The following SLAIN2 variants were observed in gnomAD, a reference collection of about 807,000 sequenced individuals.
SLAIN2 encodes SLAIN motif-containing protein 2.
SLAIN2 carries 31 observed loss-of-function variants against 56.6 expected under a neutral mutation model. That is an observed-to-expected ratio of 0.55 (90% CI 0.41 to 0.74). The LOEUF (loss-of-function observed/expected upper bound fraction) is 0.74, where lower values mean the gene tolerates loss of function less well. Ranked by LOEUF, SLAIN2 falls within the 30% of genes least tolerant of loss-of-function variation. The pLI, the probability that SLAIN2 is intolerant of heterozygous loss-of-function variation, is 0.00. For missense variants in SLAIN2, 777 were observed against 754.2 expected, an observed-to-expected ratio of 1.03 and a Z score of -0.35; for synonymous variants, 317 against 284.9, an observed-to-expected ratio of 1.11 and a Z score of -1.13.
chr4:48,341,864 G>A lies in SLAIN2; in HGVS notation c.125G>A (p.Gly42Asp), dbSNP rs544036217. The change falls in exon 1 of 8, where the codon GGC becomes GAC. Residue 42 changes from glycine (G) to aspartate (D), a missense_variant. Coordinates refer to ENST00000264313, the MANE Select transcript of SLAIN2 (RefSeq NM_020846.2). ...RSRSGAVQGAGSLGPGSPVRA... is the reference protein window; with the variant it reads ...RSRSGAVQGADSLGPGSPVRA... ...CGCTCGGGGGCCGTGCAGGGCGCCG[G>A]CTCCCTTGGGCCCGGCAGCCCGGTT... 4 of 1,518,746 alleles carry A rather than the reference G, an allele frequency of 2.6e-6. No homozygotes were observed. The highest frequency in any genetic ancestry group is 2.5e-5 in the South Asian group (2 of 81,288). 94.1% of individuals were successfully genotyped at this position (1,518,746 alleles called of 1,614,324 possible). A position where few individuals can be genotyped will look rare whatever the true frequency, so the allele number is the denominator to read the frequency against.
rs143271730 is a variant in SLAIN2, at chr4:48,384,874, C to T, written c.1360+1090C>T. ...ATGATGAGGAGTGGAGGGAATAGTC[C>T]TGGAACAGACCACTGAAAACCCAAG... is the stretch of plus-strand genomic sequence containing the variant. On this transcript the variant is annotated intron_variant, in intron 6 of 7. Coordinates refer to ENST00000264313, the MANE Select transcript of SLAIN2 (RefSeq NM_020846.2). Among the ~76,000 whole-genome samples, 191 of 152,178 alleles carry T rather than the reference C, an allele frequency of 1.3e-3. 3 individuals are homozygous for T. The South Asian group carries it at 0.033, about 26-fold the overall frequency.
At chr4:48,412,836 C>G (rs1477319858) in intron 6 of SLAIN2, among the ~76,000 whole-genome samples, 1 of 152,090 alleles carries the variant, frequency 6.6e-6, no homozygotes, top group Non-Finnish European at 1.5e-5. Flanking sequence ...CAGCAATTGC[C>G]ATTTTTATAT....
At chr4:48,370,402 C>G (rs1715633154) in intron 2 of SLAIN2, among the ~76,000 whole-genome samples, 1 of 152,182 alleles carries the variant, frequency 6.6e-6, no homozygotes, top group African/African-American at 2.4e-5. Flanking sequence ...CTCACTCTAG[C>G]CCTTAATTGC....
At chr4:48,357,460 C>T (rs748447413) in intron 1 of SLAIN2, among the ~76,000 whole-genome samples, 45 of 152,214 alleles carry the variant, frequency 3.0e-4, no homozygotes, top group Admixed American at 6.5e-4. Flanking sequence ...TAGCTCACTG[C>T]AGCCTTGAAC....
intron 6 of SLAIN2, among the ~76,000 whole-genome samples, chr4:48,399,554 G>A (rs758822054): frequency 2.2e-4 from 33 of 152,166 alleles, no homozygotes; most frequent in Non-Finnish European, 4.0e-4. Flanking sequence ...AATAGGAGTG[G>A]TGGGAGAGAG....
chr4:48,365,831 G>A (rs1465996170), intron 1 of SLAIN2, among the ~76,000 whole-genome samples: 2 of 152,112 alleles, frequency 1.3e-5, no homozygotes, highest in Non-Finnish European at 2.9e-5. Flanking sequence ...CCAAAGTACT[G>A]GGATTACAGG....
rs187874048 is a variant in SLAIN2 at position 48,373,778 on chromosome 4, C to T, written c.538+3781C>T. ...AGATGTGGCCGGGCGCAGTGGCTTACACCTGTAATCCCAGCACTTTGGGAG... is the reference window on the plus strand; with the variant it reads ...AGATGTGGCCGGGCGCAGTGGCTTATACCTGTAATCCCAGCACTTTGGGAG... On this transcript the variant is annotated intron_variant, in intron 2 of 7. Transcript: ENST00000264313. Among the ~76,000 whole-genome samples, 115 of 151,786 alleles carry T rather than the reference C, an allele frequency of 7.6e-4. 1 individual carries two copies. In the East Asian group the frequency reaches 0.018, roughly 24 times the overall value.
intron 6 of SLAIN2, among the ~76,000 whole-genome samples, chr4:48,399,780 G>C (rs1716498486): frequency 6.6e-6 from 1 of 152,054 alleles, no homozygotes. Context: ...TTTGTCTTTA[G>C]TTCTGTTTAT....
chr4:48,413,483 T>C (rs763102826), intron 6 of SLAIN2, among the ~76,000 whole-genome samples: 1 of 152,204 alleles, frequency 6.6e-6, no homozygotes, highest in Non-Finnish European at 1.5e-5. Context: ...GAATCATATT[T>C]AATTCATCTT....
chr4:48,369,714 A>T (rs548346126), intron 1 of SLAIN2, 135 bp from the exon 2 acceptor site: 3 of 716,574 alleles, frequency 4.2e-6, no homozygotes, highest in African/African-American at 1.8e-5. Context: ...TGCAGTAAGT[A>T]AATGTGGGTG....
At chr4:48,393,166 A>T (rs1716278827) in intron 6 of SLAIN2, among the ~76,000 whole-genome samples, 1 of 152,044 alleles carries the variant, frequency 6.6e-6, no homozygotes, top group African/African-American at 2.4e-5. Context: ...TGAGGTCAAG[A>T]GTTCCAGACC....
intron 2 of SLAIN2, among the ~76,000 whole-genome samples, chr4:48,375,488 TTTTTTTCTTTTTTTTCC>T (rs1189734575): frequency 6.6e-6 from 1 of 151,706 alleles, no homozygotes; most frequent in Non-Finnish European, 1.5e-5. Flanking sequence ...ATATCTATCC[TTTTTTTCTTTTTTTTCC>T]TTTTTTCTAG....
chr4:48,353,235 C>T (rs1266470773), intron 1 of SLAIN2, among the ~76,000 whole-genome samples: 2 of 152,068 alleles, frequency 1.3e-5, no homozygotes, highest in East Asian at 3.8e-4. Context: ...GGAGCACTAA[C>T]CAGATGAGAT....
chr4:48,407,143 C>T (rs1184151008), intron 6 of SLAIN2, among the ~76,000 whole-genome samples: 3 of 151,828 alleles, frequency 2.0e-5, no homozygotes, highest in African/African-American at 4.8e-5. Context: ...GTTCGAGGTT[C>T]GTTTCTTGTT....
chr4:48,341,561 G>C lies in SLAIN2; in HGVS notation c.-179G>C. ...GAGCCGGCGCAGATGAGGCAGTTCG[G>C]CTGGGGCCAGCGGCGCTTTGGAACC... On this transcript the variant is annotated 5_prime_UTR_variant, in exon 1 of 8. Coordinates refer to ENST00000264313, the MANE Select transcript of SLAIN2 (RefSeq NM_020846.2). 1.0e-6 allele frequency: 1 copy of C among 959,070 alleles called. No homozygotes were observed. The highest frequency in any genetic ancestry group is 2.2e-5 in the South Asian group (1 of 44,954). 59.4% of individuals were successfully genotyped at this position (959,070 alleles called of 1,614,324 possible).
intron 6 of SLAIN2, among the ~76,000 whole-genome samples, chr4:48,411,604 T>G (rs1457509025): frequency 3.3e-5 from 1 of 30,156 alleles, no homozygotes; most frequent in Admixed American, 2.7e-4. Flanking sequence ...ATCTTCTGAG[T>G]TTTTTTTTTT....
At chr4:48,392,169 G>A (rs1486689848) in intron 6 of SLAIN2, among the ~76,000 whole-genome samples, 2 of 152,132 alleles carry the variant, frequency 1.3e-5, no homozygotes, top group African/African-American at 4.8e-5. Context: ...TGTTATTTGA[G>A]TAACATTATA....
intron 1 of SLAIN2, among the ~76,000 whole-genome samples, chr4:48,348,045 G>A (rs993363157): frequency 6.6e-6 from 1 of 152,180 alleles, no homozygotes; most frequent in African/African-American, 2.4e-5. Context: ...GATGAAGTAC[G>A]ATTGATCTTG....
intron 1 of SLAIN2, among the ~76,000 whole-genome samples, chr4:48,344,841 A>T (rs1472578573): frequency 6.6e-6 from 1 of 152,068 alleles, no homozygotes; most frequent in South Asian, 2.1e-4. Flanking sequence ...TTTCCGCTCT[A>T]TTCTGTTTCA....
Sources: gnomAD v4.1 joint callset for allele counts (sites outside exome capture counted in the v4.1 genomes callset) on GRCh38, gnomAD v4.1.1 for gene constraint, MANE v1.5 for transcripts, NCBI Gene and HGNC (gene_info 2026-07-23, HGNC 2026-07-21) for gene names.